The following EVI5 variants were observed in gnomAD, a reference collection of about 807,000 sequenced individuals.
EVI5 encodes the protein ecotropic viral integration site 5, also known as ecotropic viral integration site 5 protein homolog.
EVI5 carries 73 observed loss-of-function variants against 112.0 expected under a neutral mutation model. The observed-to-expected ratio is 0.65, with a 90% CI of 0.54 to 0.79. The LOEUF (loss-of-function observed/expected upper bound fraction) is 0.79, where lower values mean the gene tolerates loss of function less well. Ranked by LOEUF, EVI5 falls within the 30% of genes least tolerant of loss-of-function variation. The pLI is 0.00. For missense variants in EVI5, 900 were observed against 968.8 expected, an observed-to-expected ratio of 0.93 and a Z score of 0.94; for synonymous variants, 305 against 319.9, an observed-to-expected ratio of 0.95 and a Z score of 0.50.
chr1:92,767,878 G>A (rs867768042), intron 1 of EVI5, among the ~76,000 whole-genome samples: 21 of 152,192 alleles, frequency 1.4e-4, no homozygotes, highest in African/African-American at 3.9e-4. Flanking sequence ...CCAGGAGTTC[G>A]AGACCAGCCT....
chr1:92,657,049 C>T (rs967970341), intron 13 of EVI5, among the ~76,000 whole-genome samples: 1 of 152,042 alleles, frequency 6.6e-6, no homozygotes, highest in African/African-American at 2.4e-5. Context: ...CCGGCATCAC[C>T]GTGATACCAG....
chr1:92,558,977 C>T (rs1668101236), intron 19 of EVI5, among the ~76,000 whole-genome samples: 1 of 152,120 alleles, frequency 6.6e-6, no homozygotes, highest in African/African-American at 2.4e-5. Context: ...TACAGTTGTC[C>T]CTCAGTATCT....
intron 1 of EVI5, among the ~76,000 whole-genome samples, chr1:92,760,476 A>C (rs1681647562): frequency 6.6e-6 from 1 of 152,208 alleles, no homozygotes; most frequent in Non-Finnish European, 1.5e-5. Flanking sequence ...TCATGCTTGT[A>C]ATCCCAGCAC....
At chr1:92,543,003 T>C (rs979700318) in intron 19 of EVI5, among the ~76,000 whole-genome samples, 1 of 152,194 alleles carries the variant, frequency 6.6e-6, no homozygotes, top group African/African-American at 2.4e-5. Context: ...TTAAGAACCC[T>C]AGGGTTTTCA....
intron 13 of EVI5, among the ~76,000 whole-genome samples, chr1:92,641,079 G>T (rs1002963641): frequency 1.6e-4 from 25 of 152,106 alleles, no homozygotes; most frequent in Non-Finnish European, 2.8e-4. Flanking sequence ...GGGGTTGAGG[G>T]AGAAGAGGGA....
intron 9 of EVI5, among the ~76,000 whole-genome samples, chr1:92,686,954 G>A (rs1162531523): frequency 6.6e-6 from 1 of 152,078 alleles, no homozygotes; most frequent in East Asian, 1.9e-4. Flanking sequence ...CATGAAAATG[G>A]CCATACTGCC....
intron 2 of EVI5, among the ~76,000 whole-genome samples, chr1:92,712,426 T>C (rs1028268396): frequency 6.6e-6 from 1 of 152,162 alleles, no homozygotes; most frequent in Non-Finnish European, 1.5e-5. Flanking sequence ...ACTAATAGTA[T>C]GGAGATTATT....
intron 14 of EVI5, among the ~76,000 whole-genome samples, 155 bp from the exon 15 acceptor site, chr1:92,626,089 T>C (rs1345068553): frequency 6.6e-6 from 1 of 152,188 alleles, no homozygotes; most frequent in African/African-American, 2.4e-5. Context: ...CCTTTTAAAA[T>C]ACACAAGAGC....
chr1:92,679,931 T>C (rs954043380), intron 9 of EVI5, among the ~76,000 whole-genome samples: 1 of 152,184 alleles, frequency 6.6e-6, no homozygotes, highest in Non-Finnish European at 1.5e-5. Flanking sequence ...ACTATTGATG[T>C]TGACCTTGAT....
intron 16 of EVI5, among the ~76,000 whole-genome samples, chr1:92,623,477 C>T (rs773043668): frequency 3.3e-5 from 5 of 152,098 alleles, no homozygotes; most frequent in Non-Finnish European, 7.4e-5. Context: ...ACATGAAAAC[C>T]AAATGTGCCT....
Position 92,644,861 on chromosome 1 carries a change from A to G in EVI5, c.1393-8525T>C, listed in dbSNP as rs111366326. Among the ~76,000 whole-genome samples the G allele has an allele frequency of 1.4e-3, 219 of 152,328 alleles. 3 individuals carry two copies. The South Asian group carries it at 0.018, about 13-fold the overall frequency. ...TTAATTTCTAATTGAATGATATTAG[A>G]GTCAGAGAAGATCCTTTGTATGATT... On this transcript the variant is annotated intron_variant, in intron 13 of 19. Transcript: ENST00000684568.
intron 2 of EVI5, among the ~76,000 whole-genome samples, chr1:92,716,121 A>G (rs1673627046): frequency 6.6e-6 from 1 of 152,122 alleles, no homozygotes; most frequent in African/African-American, 2.4e-5. Context: ...TTCTCCCATC[A>G]TGGTGTTTGA....
rs541551019 is a variant in EVI5 at position 92,517,754 on chromosome 1, T to C, written c.2167-3784A>G. On this transcript the variant is annotated intron_variant, in intron 19 of 19. Coordinates refer to ENST00000684568, the MANE Select transcript of EVI5 (RefSeq NM_001350197.2). The stretch of plus-strand genomic sequence containing the variant: ...AATAACTCTGATGCACATCTCAGAA[T>C]AGGGACCACTACTCTAGGCAATGGC... Among the ~76,000 whole-genome samples the C allele has an allele frequency of 3.3e-5, 5 of 152,294 alleles. No homozygotes were observed. The South Asian group carries it at 1.0e-3, about 32-fold the overall frequency.
chr1:92,712,866 T>C (rs1673049596), intron 2 of EVI5, among the ~76,000 whole-genome samples: 2 of 151,848 alleles, frequency 1.3e-5, no homozygotes, highest in African/African-American at 4.8e-5. Flanking sequence ...CCAAAAGAGA[T>C]ATAATGCAGT....
chr1:92,605,225 G>T, intron 18 of EVI5, 82 bp downstream of exon 18: 2 of 926,176 alleles, frequency 2.2e-6, no homozygotes, highest in Non-Finnish European at 3.4e-6. Context: ...CAGTCACGAG[G>T]ATAAAGAGTA....
intron 2 of EVI5, among the ~76,000 whole-genome samples, chr1:92,708,868 A>G (rs1221196416): frequency 1.3e-5 from 2 of 152,216 alleles, no homozygotes; most frequent in Non-Finnish European, 2.9e-5. Context: ...AAAAGGGCAC[A>G]TATTCCATGA....
chr1:92,725,531 T>C (rs1675430290), intron 2 of EVI5, among the ~76,000 whole-genome samples: 1 of 152,144 alleles, frequency 6.6e-6, no homozygotes, highest in Admixed American at 6.5e-5. Context: ...GAGACCAGCC[T>C]GAATAACACG....
rs147458357 is a variant in EVI5, at chr1:92,590,133, A to T, written c.2070+15174T>A. Among the ~76,000 whole-genome samples, 529 of 152,324 alleles carry T rather than the reference A, an allele frequency of 3.5e-3. 2 individuals are homozygous for T. Among genetic ancestry groups the T allele is most frequent in the Non-Finnish European group, 5.7e-3 (389 of 68,020 alleles). ...CATCTGTACGTCACCATCATCGAAG[A>T]CCAAACGTAGATAAAACCACAAAGA... On this transcript the variant is annotated intron_variant, in intron 18 of 19. Coordinates refer to ENST00000684568, the MANE Select transcript of EVI5 (RefSeq NM_001350197.2).
At chr1:92,653,318 C>T (rs1662456742) in intron 13 of EVI5, among the ~76,000 whole-genome samples, 1 of 152,180 alleles carries the variant, frequency 6.6e-6, no homozygotes, top group Non-Finnish European at 1.5e-5. Flanking sequence ...AAGAGAAGAA[C>T]AAGTATTGCA....
Sources: allele counts gnomAD v4.1 joint callset (sites outside exome capture counted in the v4.1 genomes callset), GRCh38; gene constraint gnomAD v4.1.1; transcripts MANE v1.5; gene names NCBI Gene and HGNC (gene_info 2026-07-23, HGNC 2026-07-21).